Variants in CHMP2B observed in about 807,000 individuals in gnomAD.
CHMP2B encodes the protein VPS2 homolog B.
A neutral mutation model predicts 29.8 loss-of-function variants in CHMP2B; 22 were observed. That is an observed-to-expected ratio of 0.74 (90% CI 0.53 to 1.05). CHMP2B has a LOEUF of 1.05. Among genes scored for constraint, CHMP2B ranks in the 50% least tolerant of loss-of-function variants. CHMP2B has a pLI of 0.00. For missense variants in CHMP2B, 261 were observed against 252.2 expected (o/e 1.03, Z -0.24); for synonymous variants, 78 against 75.8 (o/e 1.03, Z -0.15).
At chr3:87,234,911 T>C (rs1705973354) in intron 1 of CHMP2B, among the ~76,000 whole-genome samples, 1 of 152,250 alleles carries the variant, frequency 6.6e-6, no homozygotes, top group Admixed American at 6.5e-5. Context: ...ATTTCCATTG[T>C]AGAAAGCTAC....
intron 2 of CHMP2B, 42 bp from the exon 3 acceptor site, chr3:87,245,672 C>T (rs1224100482): frequency 2.7e-6 from 4 of 1,490,784 alleles, no homozygotes; most frequent in East Asian, 4.5e-5. Context: ...TGACGACTAC[C>T]CTTTAATAAT....
chr3:87,245,257 T>C (rs1706189306), intron 2 of CHMP2B, among the ~76,000 whole-genome samples: 1 of 152,148 alleles, frequency 6.6e-6, no homozygotes, highest in African/African-American at 2.4e-5. Context: ...TTTGCTTTCT[T>C]ATCTAATCCG....
At chr3:87,232,949 A>G (rs1231475947) in intron 1 of CHMP2B, among the ~76,000 whole-genome samples, 1 of 152,180 alleles carries the variant, frequency 6.6e-6, no homozygotes, top group Non-Finnish European at 1.5e-5. Flanking sequence ...TGAATTCCTC[A>G]GGGCTTGAGT....
intron 1 of CHMP2B, among the ~76,000 whole-genome samples, chr3:87,238,914 A>G (rs1706065547): frequency 6.6e-6 from 1 of 152,206 alleles, no homozygotes; most frequent in Non-Finnish European, 1.5e-5. Context: ...GACGAGCAAT[A>G]TGCAAGGGTT....
At chr3:87,241,372 A>C (rs916964884) in intron 2 of CHMP2B, among the ~76,000 whole-genome samples, 4 of 152,136 alleles carry the variant, frequency 2.6e-5, no homozygotes, top group African/African-American at 9.7e-5. Flanking sequence ...CATATGTATA[A>C]ACTCGTGAAA....
intron 1 of CHMP2B, among the ~76,000 whole-genome samples, chr3:87,233,212 A>G (rs1284340800): frequency 6.6e-6 from 1 of 152,116 alleles, no homozygotes; most frequent in Non-Finnish European, 1.5e-5. Flanking sequence ...TTTACCGTGT[A>G]TTAGAACTGA....
intron 4 of CHMP2B, 26 bp downstream of exon 4, chr3:87,250,003 T>C: frequency 7.5e-7 from 1 of 1,326,008 alleles, no homozygotes; most frequent in Non-Finnish European, 1.1e-6. Context: ...TATAATGAAA[T>C]TTATAGTTTT....
At chr3:87,244,446 A>AT (rs939752166) in intron 2 of CHMP2B, among the ~76,000 whole-genome samples, 2 of 150,070 alleles carry the variant, frequency 1.3e-5, no homozygotes, top group African/African-American at 2.5e-5. Context: ...TGAAGTATTC[A>AT]TTTTTTTTCA....
rs566585457 is a variant in CHMP2B at position 87,245,582 on chromosome 3, T to C, written c.127-132T>C. ...ATTTCTCTTTTGCTCTATGACTTTA[T>C]AATAGCTTCTTCCCCTCTTCATGAT... On this transcript the variant is annotated intron_variant, in intron 2 of 5. Transcript: ENST00000263780. 1.5e-5 allele frequency: 11 copies of C among 747,816 alleles called. No homozygotes were observed. In the Admixed American group the frequency reaches 2.2e-4, roughly 15 times the overall value. 46.3% of individuals were successfully genotyped at this position (747,816 alleles called of 1,614,324 possible).
At chr3:87,245,424 A>G (rs1706192799) in intron 2 of CHMP2B, among the ~76,000 whole-genome samples, 1 of 148,178 alleles carries the variant, frequency 6.7e-6, no homozygotes. Context: ...TCTTTTGGAT[A>G]GTCTTTTTTT....
At chr3:87,246,955 A>G (rs1366004403) in intron 3 of CHMP2B, among the ~76,000 whole-genome samples, 1 of 152,244 alleles carries the variant, frequency 6.6e-6, no homozygotes, top group Non-Finnish European at 1.5e-5. Context: ...GACATTGCAT[A>G]AGACAAAGGT....
rs1705829624 is a variant in CHMP2B, at chr3:87,227,458, C to T, written c.-65C>T. 5 of 1,600,472 alleles carry T rather than the reference C, an allele frequency of 3.1e-6. No homozygotes were observed. The South Asian group carries it at 5.5e-5, about 18-fold the overall frequency. On this transcript the variant is annotated 5_prime_UTR_variant, in exon 1 of 6. Coordinates refer to ENST00000263780, the MANE Select transcript of CHMP2B (RefSeq NM_014043.4). The stretch of plus-strand genomic sequence containing the variant: ...CCCGCCAAGGTCCTGTCCTTTTCCT[C>T]CTGTCCTTTGCCAGCGTTGGGCCGG...
At chr3:87,247,797 G>A (rs147523095) in intron 3 of CHMP2B, among the ~76,000 whole-genome samples, 10 of 152,282 alleles carry the variant, frequency 6.6e-5, no homozygotes, top group East Asian at 1.9e-4. Flanking sequence ...ATCTTTGATC[G>A]CAGAGTAGGT....
At chr3:87,252,350 C>T (rs1706330117) in intron 4 of CHMP2B, among the ~76,000 whole-genome samples, 1 of 151,790 alleles carries the variant, frequency 6.6e-6, no homozygotes, top group African/African-American at 2.4e-5. Context: ...AGGAGAGGAA[C>T]AATTTTAGGC....
At chr3:87,234,090 A>G (rs139395896) in intron 1 of CHMP2B, among the ~76,000 whole-genome samples, 342 of 152,238 alleles carry the variant, frequency 2.2e-3, no homozygotes, top group African/African-American at 7.9e-3. Flanking sequence ...TTTAAATAGT[A>G]TTACTCACAA....
intron 4 of CHMP2B, chr3:87,253,190 T>C (rs1283597680): frequency 2.1e-6 from 1 of 484,338 alleles, no homozygotes. Context: ...TGCTATAAGA[T>C]AATTTGTGTT....
In CHMP2B at chr3:87,253,973, A is replaced by G; in HGVS notation, c.*151A>G. 1 of 597,098 alleles carries G rather than the reference A, an allele frequency of 1.7e-6. No homozygotes were observed. The highest frequency in any genetic ancestry group is 3.0e-6 in the Non-Finnish European group (1 of 338,818). 37.0% of individuals were successfully genotyped at this position (597,098 alleles called of 1,614,324 possible). Reference sequence around the variant, plus strand: ...GTTGTTTCCTAACCCATGGCTATTTAGAATCTTTTGCCAAAGAATGACAAT... The same window carrying G: ...GTTGTTTCCTAACCCATGGCTATTTGGAATCTTTTGCCAAAGAATGACAAT... On this transcript the variant is annotated 3_prime_UTR_variant, in exon 6 of 6. Transcript: ENST00000263780.
intron 2 of CHMP2B, among the ~76,000 whole-genome samples, chr3:87,243,762 T>C (rs1706163089): frequency 6.6e-6 from 1 of 152,132 alleles, no homozygotes; most frequent in Admixed American, 6.6e-5. Context: ...AATTTTAAAA[T>C]ATACTGATAT....
At chr3:87,230,995 T>A (rs936851941) in intron 1 of CHMP2B, among the ~76,000 whole-genome samples, 17 of 152,084 alleles carry the variant, frequency 1.1e-4, no homozygotes, top group African/African-American at 4.1e-4. Flanking sequence ...CCTTTCTGTA[T>A]TTATTTTTTT....
Sources: allele counts gnomAD v4.1 joint callset (sites outside exome capture counted in the v4.1 genomes callset), GRCh38; gene constraint gnomAD v4.1.1; transcripts MANE v1.5; gene names NCBI Gene and HGNC (gene_info 2026-07-23, HGNC 2026-07-21).